The following INSYN2B variants were observed in gnomAD, a reference collection of about 807,000 sequenced individuals.
The protein encoded by INSYN2B is protein INSYN2B.
A neutral mutation model predicts 41.2 loss-of-function variants in INSYN2B; 16 were observed. That is an observed-to-expected ratio of 0.39 (90% CI 0.26 to 0.59). The LOEUF is 0.59. Among genes scored for constraint, INSYN2B ranks in the 20% least tolerant of loss-of-function variants. The pLI is 0.57. For synonymous variants in INSYN2B, 245 were observed against 244.4 expected, an observed-to-expected ratio of 1.00 and a Z score of -0.02; for missense variants, 608 against 646.4, an observed-to-expected ratio of 0.94 and a Z score of 0.64.
intron 1 of INSYN2B, among the ~76,000 whole-genome samples, chr5:169,915,374 T>A (rs916797932): frequency 5.3e-5 from 8 of 152,274 alleles, no homozygotes; most frequent in Admixed American, 3.3e-4. Flanking sequence ...AGGCTTATTG[T>A]GTTTGTCTAT....
intron 1 of INSYN2B, among the ~76,000 whole-genome samples, chr5:169,896,389 A>G (rs1427478010): frequency 6.6e-6 from 1 of 152,198 alleles, no homozygotes; most frequent in African/African-American, 2.4e-5. Context: ...CAGACGGCTT[A>G]GATTTCAATG....
chr5:169,880,601 C>T (rs1772585285), intron 3 of INSYN2B, among the ~76,000 whole-genome samples: 1 of 152,192 alleles, frequency 6.6e-6, no homozygotes, highest in African/African-American at 2.4e-5. Flanking sequence ...CTAGTAAAAA[C>T]AGGTATAAAC....
intron 1 of INSYN2B, among the ~76,000 whole-genome samples, chr5:169,911,931 T>C (rs1774619937): frequency 6.6e-6 from 1 of 152,228 alleles, no homozygotes. Context: ...ATTAAATATC[T>C]TTCTGTTTTC....
intron 1 of INSYN2B, among the ~76,000 whole-genome samples, chr5:169,979,086 C>G (rs1777845031): frequency 6.6e-6 from 1 of 152,154 alleles, no homozygotes; most frequent in South Asian, 2.1e-4. Flanking sequence ...ATGTCGATTA[C>G]AGAATTTCTG....
chr5:169,943,667 G>T (rs1384824021), intron 1 of INSYN2B, among the ~76,000 whole-genome samples: 1 of 152,190 alleles, frequency 6.6e-6, no homozygotes, highest in Non-Finnish European at 1.5e-5. Context: ...TCTGGGGGCA[G>T]TGGTTCTCAA....
chr5:169,891,316 G>A (rs1412662687), intron 1 of INSYN2B, among the ~76,000 whole-genome samples: 1 of 152,122 alleles, frequency 6.6e-6, no homozygotes, highest in Non-Finnish European at 1.5e-5. Context: ...TGTATTATCT[G>A]TCTCTGCTCC....
At chr5:169,875,191 A>G (rs1315227409) in intron 3 of INSYN2B, 1 of 455,964 alleles carries the variant, frequency 2.2e-6, no homozygotes. Context: ...TACCTAAAAA[A>G]ATCCTTCTGC....
intron 1 of INSYN2B, among the ~76,000 whole-genome samples, chr5:169,933,336 C>T (rs1481859713): frequency 3.3e-5 from 5 of 152,168 alleles, no homozygotes; most frequent in East Asian, 1.9e-4. Flanking sequence ...ATACAGATAC[C>T]GGTGCCCCAC....
chr5:169,887,774 C>T (rs1384029312), intron 1 of INSYN2B, among the ~76,000 whole-genome samples: 1 of 152,150 alleles, frequency 6.6e-6, no homozygotes, highest in Non-Finnish European at 1.5e-5. Flanking sequence ...AGTAGCTGTG[C>T]ATTTTAGATT....
intron 1 of INSYN2B, chr5:169,934,502 G>A (rs1775896834): frequency 2.6e-6 from 1 of 391,964 alleles, no homozygotes; most frequent in African/African-American, 2.1e-5. Context: ...CTAGGAGATG[G>A]AATGCTTATC....
chr5:169,871,712 G>A (rs144873479), intron 3 of INSYN2B, among the ~76,000 whole-genome samples: 88 of 152,256 alleles, frequency 5.8e-4, no homozygotes, highest in Non-Finnish European at 1.1e-3. Context: ...TGGTGGGGGT[G>A]GAGGTGGTGG....
chr5:169,950,300 T>C (rs1375681653), intron 1 of INSYN2B, among the ~76,000 whole-genome samples: 2 of 152,200 alleles, frequency 1.3e-5, no homozygotes, highest in Admixed American at 1.3e-4. Flanking sequence ...AAGCAGACCT[T>C]CCTCATAGGG....
At chr5:169,927,808 G>A (rs1043773916) in intron 1 of INSYN2B, among the ~76,000 whole-genome samples, 48 of 152,236 alleles carry the variant, frequency 3.2e-4, no homozygotes, top group Admixed American at 2.0e-3. Flanking sequence ...AGTAGAGATG[G>A]GGTTTCACTG....
chr5:169,894,856 A>G (rs1004225042), intron 1 of INSYN2B, among the ~76,000 whole-genome samples: 2 of 152,206 alleles, frequency 1.3e-5, no homozygotes, highest in Admixed American at 6.5e-5. Context: ...GGCAAATCTC[A>G]AGTAACATTA....
intron 3 of INSYN2B, among the ~76,000 whole-genome samples, chr5:169,868,150 GCTCTGGGC>G (rs1771717527): frequency 6.6e-6 from 1 of 152,188 alleles, no homozygotes. Flanking sequence ...AGTCCATCCT[GCTCTGGGC>G]CTGACACTGT....
intron 1 of INSYN2B, among the ~76,000 whole-genome samples, chr5:169,886,151 A>C (rs1045031201): frequency 2.0e-5 from 3 of 152,178 alleles, no homozygotes; most frequent in Admixed American, 2.0e-4. Flanking sequence ...TAAATTACAC[A>C]GTCTCTGGTA....
At chr5:169,872,137 C>T (rs1172847585) in intron 3 of INSYN2B, among the ~76,000 whole-genome samples, 3 of 152,196 alleles carry the variant, frequency 2.0e-5, no homozygotes, top group Non-Finnish European at 4.4e-5. Flanking sequence ...AATTCCCCTC[C>T]ACTTCTTCTT....
chr5:169,946,446 A>C (rs1451541621), intron 1 of INSYN2B, among the ~76,000 whole-genome samples: 2 of 152,202 alleles, frequency 1.3e-5, no homozygotes, highest in East Asian at 1.9e-4. Flanking sequence ...TTGGGAGGAA[A>C]GGGCAGGAGT....
chr5:169,960,205 G>A (rs1179469181), intron 1 of INSYN2B, among the ~76,000 whole-genome samples: 1 of 152,200 alleles, frequency 6.6e-6, no homozygotes, highest in Non-Finnish European at 1.5e-5. Flanking sequence ...TCCAGAGGAG[G>A]AAATAATGTA....
Sources: allele counts gnomAD v4.1 joint callset (sites outside exome capture counted in the v4.1 genomes callset), GRCh38; gene constraint gnomAD v4.1.1; transcripts MANE v1.5; gene names NCBI Gene and HGNC (gene_info 2026-07-23, HGNC 2026-07-21).